NEO1: variants seen among roughly 807,000 people sequenced by gnomAD.
NEO1 encodes neogenin.
In NEO1, 63 loss-of-function variants were observed where a neutral mutation model predicts 159.7. The ratio of observed to expected loss-of-function variants is 0.39; its 90% CI spans 0.32 to 0.49. The LOEUF is 0.49. NEO1 is among the 20% of genes least tolerant of loss of function. The pLI is 0.85. For missense variants in NEO1, 1,615 were observed against 1,831.0 expected (o/e 0.88, Z 2.15); for synonymous variants, 633 against 662.0 (o/e 0.96, Z 0.67).
upstream of NEO1, chr15:73,051,786 T>TGTTTTTGG (rs1186957870): frequency 6.6e-6 from 1 of 151,844 alleles, no homozygotes; most frequent in Non-Finnish European, 1.5e-5. Context: ...GGATCGCTAT[T>TGTTTTTGG]GTTTTTGGCG....
rs989321317 is a variant in NEO1 at position 73,260,419 on chromosome 15, C to T, written c.2352C>T (p.Thr784=). 7.4e-6 allele frequency: 12 copies of T among 1,613,718 alleles called. No homozygotes were observed. The highest frequency in any genetic ancestry group is 2.2e-5 in the East Asian group (1 of 44,890). ...GYGIGSPHAQ[T]IKVDYKQRYY... ...GCATTGGCAGCCCTCATGCCCAGAC[C>T]ATCAAAGTGGACTATAAACAGCGCT... Residue 784 remains threonine, a synonymous_variant, in exon 15 of 29, where the codon ACC becomes ACT. Transcript: ENST00000261908.
chr15:73,252,500 A>C (rs1012840272), intron 11 of NEO1, among the ~76,000 whole-genome samples: 1 of 152,180 alleles, frequency 6.6e-6, no homozygotes, highest in East Asian at 1.9e-4. Context: ...GGTTCACTTT[A>C]CCAGTTGTCA....
At chr15:73,283,731 C>T (rs2041825461) in intron 23 of NEO1, among the ~76,000 whole-genome samples, 2 of 152,146 alleles carry the variant, frequency 1.3e-5, no homozygotes, top group Non-Finnish European at 2.9e-5. Flanking sequence ...CTGGTCACCC[C>T]CTTTGGAGCA....
chr15:73,270,007 C>A lies in NEO1; in HGVS notation c.2495-3C>A. The A allele has an allele frequency of 6.2e-7, 1 of 1,610,524 alleles. No homozygotes were observed. Among genetic ancestry groups the A allele is most frequent in the Non-Finnish European group, 8.5e-7 (1 of 1,177,208 alleles). ...TTCCCTTTTTAAATTATTTTCTGCT[C>A]AGACACTTCTGAAGTTGATTTATTT... On this transcript the variant is annotated splice_region_variant and splice_polypyrimidine_tract_variant and intron_variant, in intron 16 of 28. Transcript: ENST00000261908.
At chr15:73,145,551 G>A (rs2151805771) in intron 5 of NEO1, among the ~76,000 whole-genome samples, 1 of 152,240 alleles carries the variant, frequency 6.6e-6, no homozygotes, top group East Asian at 1.9e-4. Context: ...TAGGTGATTG[G>A]TTAAATAAAA....
intron 7 of NEO1, among the ~76,000 whole-genome samples, chr15:73,202,886 T>A (rs557747695): frequency 6.6e-6 from 1 of 152,370 alleles, no homozygotes; most frequent in East Asian, 1.9e-4. Flanking sequence ...TTTATCTGTT[T>A]GTGACTGGCT....
At chr15:73,172,617 A>G (rs2035041212) in intron 5 of NEO1, among the ~76,000 whole-genome samples, 1 of 152,258 alleles carries the variant, frequency 6.6e-6, no homozygotes, top group Admixed American at 6.5e-5. Flanking sequence ...ACTGCTTCAC[A>G]GTAAATCACT....
intron 1 of NEO1, among the ~76,000 whole-genome samples, chr15:73,055,354 A>G (rs1430551577): frequency 1.3e-5 from 2 of 152,204 alleles, no homozygotes; most frequent in African/African-American, 4.8e-5. Flanking sequence ...AACTTCTGTT[A>G]GAAAATGTTG....
At chr15:73,294,460 A>T (rs1029917238) in intron 26 of NEO1, among the ~76,000 whole-genome samples, 1 of 152,182 alleles carries the variant, frequency 6.6e-6, no homozygotes, top group East Asian at 1.9e-4. Flanking sequence ...GTTCCATTTT[A>T]AAAGAACCTC....
intron 15 of NEO1, among the ~76,000 whole-genome samples, chr15:73,260,845 T>A (rs938919897): frequency 1.3e-5 from 2 of 152,228 alleles, no homozygotes; most frequent in Non-Finnish European, 2.9e-5. Context: ...ATAAAATTGT[T>A]ATTTTTTTCC....
chr15:73,122,068 T>C (rs1294864509), intron 2 of NEO1, among the ~76,000 whole-genome samples: 2 of 14,820 alleles, frequency 1.3e-4, no homozygotes, highest in African/African-American at 9.9e-4. Flanking sequence ...TGTGTGTATA[T>C]ATATATATAT....
At chr15:73,221,309 G>A (rs1479314500) in intron 7 of NEO1, among the ~76,000 whole-genome samples, 5 of 152,156 alleles carry the variant, frequency 3.3e-5, no homozygotes, top group Admixed American at 6.5e-5. Flanking sequence ...AGGAGTACCC[G>A]GCCGTGTGAA....
intron 7 of NEO1, among the ~76,000 whole-genome samples, chr15:73,204,122 T>G (rs2037076739): frequency 6.6e-6 from 1 of 151,636 alleles, no homozygotes; most frequent in South Asian, 2.1e-4. Flanking sequence ...GTTGGTGGGT[T>G]TTTTTTTCAG....
chr15:73,185,473 A>C (rs2035867324), intron 7 of NEO1, among the ~76,000 whole-genome samples: 1 of 152,198 alleles, frequency 6.6e-6, no homozygotes, highest in South Asian at 2.1e-4. Flanking sequence ...AAATACTGAC[A>C]ACACCATCAA....
intron 4 of NEO1, among the ~76,000 whole-genome samples, chr15:73,135,163 C>G (rs2031605550): frequency 6.6e-6 from 1 of 152,152 alleles, no homozygotes; most frequent in Non-Finnish European, 1.5e-5. Flanking sequence ...TCACTTTATA[C>G]AAATTTGATC....
chr15:73,146,396 A>G (rs974132038), intron 5 of NEO1, among the ~76,000 whole-genome samples: 2 of 152,218 alleles, frequency 1.3e-5, no homozygotes, highest in African/African-American at 4.8e-5. Flanking sequence ...ATAGTATGCT[A>G]TCTGTATTCA....
intron 20 of NEO1, 67 bp from the exon 21 acceptor site, chr15:73,274,625 C>A: frequency 6.6e-7 from 1 of 1,519,358 alleles, no homozygotes; most frequent in Non-Finnish European, 9.1e-7. Flanking sequence ...AAAAGTTCTG[C>A]CTGTCCCATC....
At chr15:73,161,157 T>C (rs1480418511) in intron 5 of NEO1, among the ~76,000 whole-genome samples, 1 of 152,222 alleles carries the variant, frequency 6.6e-6, no homozygotes, top group African/African-American at 2.4e-5. Flanking sequence ...TCCGAGTTTG[T>C]GTCATACTTA....
intron 25 of NEO1, among the ~76,000 whole-genome samples, chr15:73,292,613 G>A (rs1425164369): frequency 1.3e-5 from 2 of 152,222 alleles, no homozygotes; most frequent in African/African-American, 4.8e-5. Context: ...TGAAATCTGT[G>A]TGGAAATTTC....
Sources: allele counts gnomAD v4.1 joint callset (sites outside exome capture counted in the v4.1 genomes callset), GRCh38; gene constraint gnomAD v4.1.1; transcripts MANE v1.5; gene names NCBI Gene and HGNC (gene_info 2026-07-23, HGNC 2026-07-21).